NKAIN2: variants seen among roughly 807,000 people sequenced by gnomAD.
The protein encoded by NKAIN2 is sodium/potassium-transporting ATPase subunit beta-1-interacting protein 2.
NKAIN2 carries 14 observed loss-of-function variants against 32.6 expected under a neutral mutation model. The observed-to-expected ratio is 0.43, with a 90% confidence interval of 0.28 to 0.67. The LOEUF (loss-of-function observed/expected upper bound fraction) is 0.67. NKAIN2 is among the 30% of genes least tolerant of loss of function. The pLI, the probability that NKAIN2 is intolerant of heterozygous loss-of-function variation, is 0.17. For missense variants in NKAIN2, 198 were observed against 258.3 expected, an observed-to-expected ratio of 0.77 and a Z score of 1.60; for synonymous variants, 80 against 87.2, an observed-to-expected ratio of 0.92 and a Z score of 0.46.
intron 3 of NKAIN2, among the ~76,000 whole-genome samples, chr6:124,565,292 C>A (rs991448264): frequency 6.6e-6 from 1 of 152,184 alleles, no homozygotes; most frequent in Admixed American, 6.5e-5. Flanking sequence ...AATGTCAGTG[C>A]ATTACATTTT....
intron 1 of NKAIN2, among the ~76,000 whole-genome samples, chr6:124,203,197 G>A (rs1485238622): frequency 1.3e-5 from 2 of 151,786 alleles, no homozygotes; most frequent in African/African-American, 2.4e-5. Context: ...GTTTGTTGAG[G>A]GGGATCACAC....
chr6:123,894,480 G>A (rs1486824646), intron 1 of NKAIN2, among the ~76,000 whole-genome samples: 2 of 152,160 alleles, frequency 1.3e-5, no homozygotes, highest in African/African-American at 4.8e-5. Flanking sequence ...TATGGATGGG[G>A]CATAGATTAG....
At chr6:124,145,753 C>G (rs191731007) in intron 1 of NKAIN2, among the ~76,000 whole-genome samples, 157 of 152,206 alleles carry the variant, frequency 1.0e-3, no homozygotes, top group African/African-American at 3.6e-3. Flanking sequence ...GATCCACCCC[C>G]CTCAGCCTCC....
intron 5 of NKAIN2, among the ~76,000 whole-genome samples, chr6:124,805,237 C>T (rs1258848994): frequency 6.6e-6 from 1 of 152,102 alleles, no homozygotes; most frequent in Non-Finnish European, 1.5e-5. Flanking sequence ...CTGGGAGGCA[C>T]CCCCCAGTAG....
intron 4 of NKAIN2, among the ~76,000 whole-genome samples, chr6:124,724,898 A>G (rs950118913): frequency 1.3e-5 from 2 of 152,162 alleles, no homozygotes; most frequent in Admixed American, 6.5e-5. Context: ...TGGATAATTT[A>G]CCCTAAATTC....
intron 3 of NKAIN2, among the ~76,000 whole-genome samples, chr6:124,431,926 A>AT: frequency 6.6e-6 from 1 of 152,344 alleles, no homozygotes; most frequent in Non-Finnish European, 1.5e-5. Flanking sequence ...TATTTCAGAT[A>AT]CTGAAATATA....
intron 1 of NKAIN2, among the ~76,000 whole-genome samples, chr6:123,873,283 A>G (rs1772995590): frequency 6.7e-6 from 1 of 149,974 alleles, no homozygotes; most frequent in South Asian, 2.1e-4. Context: ...AAATTACTCC[A>G]AGGACAGGGA....
In NKAIN2 at chr6:124,167,249, G is replaced by C. The variant is rs1788599091; in HGVS notation, c.55-115756G>C. ...GGTCCTTCATGTCCCTTGTAAGTTG[G>C]ATTCCTAGGTATTTTATTCTCTTTG... On this transcript the variant is annotated intron_variant, in intron 1 of 6. Transcript: ENST00000368417. Among the ~76,000 whole-genome samples the C allele has an allele frequency of 3.3e-5, 5 of 150,902 alleles. No homozygotes were observed. The South Asian group carries it at 1.1e-3, about 32-fold the overall frequency.
chr6:124,546,666 A>T (rs1453258467), intron 3 of NKAIN2, among the ~76,000 whole-genome samples: 2 of 152,144 alleles, frequency 1.3e-5, no homozygotes, highest in Admixed American at 1.3e-4. Context: ...TCAAAAGTAG[A>T]TATGCTTCCC....
At chr6:124,676,387 A>G (rs1258143029) in intron 4 of NKAIN2, among the ~76,000 whole-genome samples, 1 of 152,068 alleles carries the variant, frequency 6.6e-6, no homozygotes, top group African/African-American at 2.4e-5. Context: ...TCGACTTTCT[A>G]TCTGGGTGTT....
intron 3 of NKAIN2, among the ~76,000 whole-genome samples, chr6:124,531,950 C>T (rs574605851): frequency 1.3e-5 from 2 of 152,276 alleles, no homozygotes; most frequent in South Asian, 4.2e-4. Context: ...GGGTTACAGG[C>T]GTGAACCACC....
chr6:124,407,972 T>A (rs1226969294), intron 3 of NKAIN2, among the ~76,000 whole-genome samples: 1 of 151,920 alleles, frequency 6.6e-6, no homozygotes, highest in Non-Finnish European at 1.5e-5. Context: ...TTTCATGTGT[T>A]TTTTGGCTGC....
intron 4 of NKAIN2, among the ~76,000 whole-genome samples, chr6:124,787,437 A>C (rs1048506602): frequency 7.9e-5 from 12 of 152,244 alleles, no homozygotes; most frequent in African/African-American, 2.9e-4. Context: ...CAAATGCAAA[A>C]AAAGAATGAG....
At chr6:124,814,418 G>A (rs1045213948) in intron 5 of NKAIN2, among the ~76,000 whole-genome samples, 1 of 152,098 alleles carries the variant, frequency 6.6e-6, no homozygotes, top group Non-Finnish European at 1.5e-5. Flanking sequence ...AATCCAGCCT[G>A]GTTACATTCA....
rs1446597512 is a variant in NKAIN2, at chr6:124,768,748, TTTTG to T, written c.475-22586_475-22583del. The stretch of plus-strand genomic sequence containing the variant: ...TACCTGGGGGAAAAAAAAACAAAAC[TTTTG>T]TTTGATTTTCTCCATCTTACCAGCA... On this transcript the variant is annotated intron_variant, in intron 4 of 6. Transcript: ENST00000368417. 1.3e-4 allele frequency among the ~76,000 whole-genome samples: 20 copies of T among 152,112 alleles called. 1 individual carries two copies. The highest frequency in any genetic ancestry group is 1.2e-3 in the Admixed American group (18 of 15,266).
At chr6:123,950,262 T>C (rs979558658) in intron 1 of NKAIN2, among the ~76,000 whole-genome samples, 1 of 151,950 alleles carries the variant, frequency 6.6e-6, no homozygotes, top group African/African-American at 2.4e-5. Flanking sequence ...TTTGTGTGTG[T>C]GTGCGTGTGT....
chr6:124,417,500 AT>A (rs1562171186), intron 3 of NKAIN2, among the ~76,000 whole-genome samples: 1 of 152,098 alleles, frequency 6.6e-6, no homozygotes, highest in East Asian at 1.9e-4. Flanking sequence ...TTATTTATTT[AT>A]TTATTTATTT....
At chr6:124,505,366 C>T (rs537647018) in intron 3 of NKAIN2, among the ~76,000 whole-genome samples, 11 of 152,290 alleles carry the variant, frequency 7.2e-5, no homozygotes, top group African/African-American at 2.6e-4. Context: ...GCTCCTCTAA[C>T]AAATTCACTG....
chr6:124,667,997 C>A (rs1341655497), intron 4 of NKAIN2, among the ~76,000 whole-genome samples: 1 of 152,050 alleles, frequency 6.6e-6, no homozygotes, highest in East Asian at 1.9e-4. Context: ...TCTTATTATT[C>A]TCTTGCCTTT....
Sources: gnomAD v4.1 joint callset for allele counts (sites outside exome capture counted in the v4.1 genomes callset) on GRCh38, gnomAD v4.1.1 for gene constraint, MANE v1.5 for transcripts, NCBI Gene and HGNC (gene_info 2026-07-23, HGNC 2026-07-21) for gene names.